Variants in STK32A observed in about 807,000 individuals in gnomAD.
The protein encoded by STK32A is serine/threonine kinase 32A.
Under a neutral mutation model 53.2 loss-of-function variants are expected in STK32A, and 41 were observed. The ratio of observed to expected loss-of-function variants is 0.77; its 90% CI spans 0.60 to 1.00. The LOEUF (loss-of-function observed/expected upper bound fraction) is 1.00. STK32A is among the 50% of genes least tolerant of loss of function. The probability of loss-of-function intolerance (pLI) is 0.00; values close to 1 mark genes in which losing one functional copy is unlikely to be tolerated. For missense variants in STK32A, 458 were observed against 485.8 expected, an observed-to-expected ratio of 0.94 and a Z score of 0.54; for synonymous variants, 166 against 162.8, an observed-to-expected ratio of 1.02 and a Z score of -0.15.
chr5:147,348,682 G>C (rs1755808384), intron 6 of STK32A: 1 of 771,852 alleles, frequency 1.3e-6, no homozygotes, highest in Admixed American at 1.7e-5. Context: ...GGAATTTGTT[G>C]TTTTTAATAC....
rs146713864 is a variant in STK32A at position 147,278,349 on chromosome 5, C to T, written c.108+170C>T. Among the ~76,000 whole-genome samples the T allele has an allele frequency of 2.4e-4, 37 of 152,270 alleles. No homozygotes were observed. In the East Asian group the frequency reaches 5.8e-3, roughly 24 times the overall value. On this transcript the variant is annotated intron_variant, in intron 3 of 12. Coordinates refer to ENST00000397936, the MANE Select transcript of STK32A (RefSeq NM_001112724.2). The stretch of plus-strand genomic sequence containing the variant: ...AATTGTCACCACAGTTTAAGAAAAG[C>T]GTGTGACAGGCAGCTACATAATGAA...
chr5:147,259,420 A>T (rs1318815317), intron 2 of STK32A, among the ~76,000 whole-genome samples: 1 of 152,124 alleles, frequency 6.6e-6, no homozygotes, highest in Non-Finnish European at 1.5e-5. Flanking sequence ...ACTGGTTGTC[A>T]GTGGCCTCAG....
At chr5:147,303,984 C>A (rs557516472) in intron 4 of STK32A, among the ~76,000 whole-genome samples, 1 of 152,240 alleles carries the variant, frequency 6.6e-6, no homozygotes, top group Admixed American at 6.5e-5. Context: ...TTGAAAACAA[C>A]GCAAGGAGCC....
intron 2 of STK32A, among the ~76,000 whole-genome samples, chr5:147,249,354 G>T (rs1192460079): frequency 1.3e-5 from 2 of 152,048 alleles, no homozygotes; most frequent in Non-Finnish European, 2.9e-5. Flanking sequence ...ATGCTTAGCT[G>T]GTGACTGGCA....
chr5:147,394,685 A>C, the STK32A span, among the ~76,000 whole-genome samples: 4,833 of 151,124 alleles, frequency 0.032, 252 homozygotes, highest in African/African-American at 0.11. Flanking sequence ...ACAACAACAA[A>C]AAAAAAAAGG....
intron 2 of STK32A, among the ~76,000 whole-genome samples, chr5:147,274,411 C>G (rs1455246954): frequency 6.6e-6 from 1 of 152,170 alleles, no homozygotes; most frequent in African/African-American, 2.4e-5. Flanking sequence ...ACACTCAGAG[C>G]TCCATGAACC....
At chr5:147,389,401 G>A (rs935550864), downstream of STK32A, among the ~76,000 whole-genome samples, 5 of 152,144 alleles carry the variant, frequency 3.3e-5, no homozygotes, top group African/African-American at 7.2e-5. Context: ...TATGTTATCC[G>A]GTGTGGCCAA....
chr5:147,305,448 C>A (rs1282172920), intron 4 of STK32A, among the ~76,000 whole-genome samples: 3 of 152,064 alleles, frequency 2.0e-5, no homozygotes, highest in South Asian at 4.1e-4. Context: ...CATCCAGGAC[C>A]AGCAGTCCGG....
chr5:147,237,887 A>C (rs919558540), intron 1 of STK32A, among the ~76,000 whole-genome samples: 3 of 152,200 alleles, frequency 2.0e-5, no homozygotes, highest in African/African-American at 7.2e-5. Flanking sequence ...ACTCATCCTT[A>C]ACACTTTCTC....
At chr5:147,350,949 A>G in intron 6 of STK32A, 116 bp from the exon 7 acceptor site, 1 of 776,844 alleles carries the variant, frequency 1.3e-6, no homozygotes, top group Non-Finnish European at 2.2e-6. Context: ...TTGAGGATGG[A>G]CTGCAACTGG....
intron 8 of STK32A, among the ~76,000 whole-genome samples, chr5:147,367,895 T>C (rs1159897710): frequency 6.6e-6 from 1 of 152,192 alleles, no homozygotes; most frequent in African/African-American, 2.4e-5. Context: ...TTTCAAAATG[T>C]AGCTTATCTG....
intron 1 of STK32A, 115 bp from the exon 2 acceptor site, chr5:147,239,424 C>T: frequency 4.5e-6 from 2 of 441,360 alleles, no homozygotes; most frequent in East Asian, 3.5e-5. Context: ...GGTTTTCAAA[C>T]ACAAAAGTTT....
At chr5:147,401,783 C>T in the STK32A span, 2 of 1,509,830 alleles carry the variant, frequency 1.3e-6, no homozygotes, top group African/African-American at 2.8e-5. Flanking sequence ...CCTAAGCCTA[C>T]CCAGGACTGT....
In STK32A at chr5:147,375,128, G is replaced by A; in HGVS notation, c.942G>A (p.Glu314=). 2 of 1,608,878 alleles carry A rather than the reference G, an allele frequency of 1.2e-6. No individual in the cohort carries two copies. Among genetic ancestry groups the A allele is most frequent in the South Asian group, 1.1e-5 (1 of 89,680 alleles). Residue 314 remains glutamate, a synonymous_variant, in exon 11 of 13, where the codon GAG becomes GAA. Coordinates refer to ENST00000397936, the MANE Select transcript of STK32A (RefSeq NM_001112724.2). The stretch of plus-strand genomic sequence containing the variant: ...ATTGTGATCCTACCTTTGAACTTGA[G>A]GAAATGATTTTGGAGTCCAAACCTC... The part of the protein sequence containing the change: ...RLNCDPTFEL[E]EMILESKPLH...
chr5:147,305,923 T>C (rs1311673235), intron 4 of STK32A, among the ~76,000 whole-genome samples: 2 of 151,472 alleles, frequency 1.3e-5, no homozygotes, highest in African/African-American at 4.8e-5. Flanking sequence ...TTCTTAAGTT[T>C]ATATTCCAAA....
intron 5 of STK32A, among the ~76,000 whole-genome samples, chr5:147,336,105 C>T (rs991487193): frequency 6.6e-6 from 1 of 152,148 alleles, no homozygotes. Context: ...TTACTAAGTA[C>T]TATACTAATA....
chr5:147,322,499 G>A (rs1754369541), intron 4 of STK32A, among the ~76,000 whole-genome samples: 1 of 152,128 alleles, frequency 6.6e-6, no homozygotes, highest in African/African-American at 2.4e-5. Flanking sequence ...AATGTACTAA[G>A]TGCATTTCTC....
intron 2 of STK32A, among the ~76,000 whole-genome samples, chr5:147,270,838 GAAT>G (rs1297095848): frequency 6.6e-6 from 1 of 152,112 alleles, no homozygotes; most frequent in East Asian, 1.9e-4. Flanking sequence ...TTGGTATCAA[GAAT>G]ATTTGATGCA....
chr5:147,256,607 G>T (rs184619815), intron 2 of STK32A, among the ~76,000 whole-genome samples: 1 of 152,130 alleles, frequency 6.6e-6, no homozygotes, highest in Non-Finnish European at 1.5e-5. Context: ...TGCTTCCCAG[G>T]TTCAAGCAAT....
Sources: allele counts gnomAD v4.1 joint callset (sites outside exome capture counted in the v4.1 genomes callset), GRCh38; gene constraint gnomAD v4.1.1; transcripts MANE v1.5; gene names NCBI Gene and HGNC (gene_info 2026-07-23, HGNC 2026-07-21).